The following TRAF7 variants were observed in gnomAD, a reference collection of about 807,000 sequenced individuals.
The protein encoded by TRAF7 is E3 ubiquitin-protein ligase TRAF7.
Under a neutral mutation model 89.3 loss-of-function variants are expected in TRAF7, and 45 were observed. That is an observed-to-expected ratio of 0.50 (90% CI 0.40 to 0.65). The LOEUF is 0.65. TRAF7 is among the 30% of genes least tolerant of loss of function. TRAF7 has a pLI of 0.00. For synonymous variants in TRAF7, 406 were observed against 369.2 expected (o/e 1.10, Z -1.14); for missense variants, 677 against 918.1 (o/e 0.74, Z 3.39).
chr16:2,161,632 C>T lies in TRAF7; in HGVS notation c.-38-2251C>T, dbSNP rs1185838063. 1.3e-5 allele frequency among the ~76,000 whole-genome samples: 2 copies of T among 152,148 alleles called. No homozygotes were observed. The highest frequency in any genetic ancestry group is 1.9e-4 in the East Asian group (1 of 5,168). On this transcript the variant is annotated intron_variant, in intron 1 of 20. Transcript: ENST00000326181. This position sits in a 1 kb window ranked among gnomAD's most constrained non-coding sequence, Gnocchi z 5.2. ...AGGTCAGTGTCTCCTAGTGGCTGCC[C>T]GGTGATCCCCTCCCTGCTCCCAGAG...
At chr16:2,173,859 T>TGGGGGCCCCCC in intron 12 of TRAF7, 23 bp downstream of exon 12, 4 of 1,246,226 alleles carry the variant, frequency 3.2e-6, no homozygotes, top group Non-Finnish European at 3.3e-6. Context: ...CCGCCGTGGC[T>TGGGGGCCCCCC]CCCGCCCACC....
In TRAF7 at chr16:2,162,766, C is replaced by G. The variant is rs2093062864; in HGVS notation, c.-38-1117C>G. Among the ~76,000 whole-genome samples the G allele has an allele frequency of 6.6e-6, 1 of 152,106 alleles. No homozygotes were observed. The highest frequency in any genetic ancestry group is 1.9e-4 in the East Asian group (1 of 5,186). ...TCGAGGTGGACAGTGCAGGTGGGCC[C>G]GGGGCAGGAGTCCTGGGCACGTGGC... On this transcript the variant is annotated intron_variant, in intron 1 of 20. Coordinates refer to ENST00000326181, the MANE Select transcript of TRAF7 (RefSeq NM_032271.3). The surrounding 1 kb of genome is among the most constrained non-coding windows in gnomAD (Gnocchi z 5.0).
rs1432810362 is a variant in TRAF7, at chr16:2,161,836, G to A, written c.-38-2047G>A. 3.9e-5 allele frequency among the ~76,000 whole-genome samples: 6 copies of A among 152,200 alleles called. No individual in the cohort carries two copies. The highest frequency in any genetic ancestry group is 9.6e-5 in the African/African-American group (4 of 41,456). On this transcript the variant is annotated intron_variant, in intron 1 of 20. Transcript: ENST00000326181. This position sits in a 1 kb window ranked among gnomAD's most constrained non-coding sequence, Gnocchi z 5.2. ...CTTCCTGCCGGGAGCTGCTGGAGAC[G>A]GGATAGACATGTGCCAGGGCAGAGC...
intron 4 of TRAF7, 53 bp from the exon 5 acceptor site, chr16:2,170,561 G>A (rs1342121045): frequency 1.0e-5 from 15 of 1,434,970 alleles, no homozygotes; most frequent in Non-Finnish European, 1.4e-5. Context: ...TGTCCTCCCC[G>A]AGGCTCTGAC....
At position 2,175,829 on chromosome 16, in the gene TRAF7, C is replaced by T. The variant is rs1338498216; in HGVS notation, c.1627-5C>T. 7.4e-6 allele frequency: 12 copies of T among 1,612,940 alleles called. No homozygotes were observed. Among genetic ancestry groups the T allele is most frequent in the Middle Eastern group, 1.6e-4 (1 of 6,080 alleles). On this transcript the variant is annotated splice_polypyrimidine_tract_variant and splice_region_variant and intron_variant, in intron 17 of 20. Transcript: ENST00000326181. ...TGGGACCAACTGGCCCACGATTACT[C>T]ATAGATCTGGGACATCCGAACCCTT...
At position 2,163,847 on chromosome 16, in the gene TRAF7, C is replaced by T; in HGVS notation, c.-38-36C>T. 7.4e-7 allele frequency: 1 copy of T among 1,357,356 alleles called. No homozygotes were observed. The highest frequency in any genetic ancestry group is 1.2e-5 in the South Asian group (1 of 82,278). The allele number at this position is 1,357,356 out of a possible 1,614,324, so 84.1% of individuals were successfully genotyped here. ...GTCTGACTCACAGGGGCCTGGGCTCCATCTCTCAAGCCCCTCATTTGTGCT... is the reference window on the plus strand; with the variant it reads ...GTCTGACTCACAGGGGCCTGGGCTCTATCTCTCAAGCCCCTCATTTGTGCT... On this transcript the variant is annotated intron_variant, in intron 1 of 20. Coordinates refer to ENST00000326181, the MANE Select transcript of TRAF7 (RefSeq NM_032271.3). The surrounding 1 kb of genome is among the most constrained non-coding windows in gnomAD (Gnocchi z 4.3).
chr16:2,172,622 TG>T, intron 9 of TRAF7, 23 bp downstream of exon 9: 4 of 752,218 alleles, frequency 5.3e-6, no homozygotes, highest in Non-Finnish European at 8.1e-6. Context: ...CGGGCGGGGG[TG>T]GGCCGGGGTG....
intron 9 of TRAF7, among the ~76,000 whole-genome samples, chr16:2,172,963 C>A (rs1324208045): frequency 1.3e-5 from 2 of 152,138 alleles, no homozygotes; most frequent in East Asian, 1.9e-4. Flanking sequence ...GAAGGGAGGA[C>A]CCCTTGAAGA....
At chr16:2,165,807 G>A (rs1366659519) in intron 2 of TRAF7, 72 bp from the exon 3 acceptor site, 1 of 1,587,580 alleles carries the variant, frequency 6.3e-7, no homozygotes, top group Non-Finnish European at 8.6e-7. Context: ...TTAGGCATGT[G>A]AGTGGGCTCC....
chr16:2,170,462 C>T, intron 4 of TRAF7, 152 bp from the exon 5 acceptor site: 1 of 626,868 alleles, frequency 1.6e-6, no homozygotes, highest in Non-Finnish European at 2.8e-6. Flanking sequence ...CACGCCCACC[C>T]ACGGCCCCCG....
intron 2 of TRAF7, among the ~76,000 whole-genome samples, 180 bp from the exon 3 acceptor site, chr16:2,165,699 G>A (rs577526669): frequency 1.6e-4 from 23 of 141,456 alleles, no homozygotes; most frequent in South Asian, 2.3e-4. Context: ...GCTGCGTGGC[G>A]CGGCCTGGTC....
In TRAF7 at chr16:2,163,925, G is replaced by C; in HGVS notation, c.5G>C (p.Ser2Thr). 1.2e-6 allele frequency: 2 copies of C among 1,612,472 alleles called. No homozygotes were observed. Among genetic ancestry groups the C allele is most frequent in the Non-Finnish European group, 1.7e-6 (2 of 1,179,682 alleles). ...CCGTAGATGCCTCTCTAGAGCATGA[G>C]CTCAGGCAAGAGTGCCCGCTACAAC... M[S>T]SGKSARYNRF... The change falls in exon 2 of 21, where the codon AGC (serine) becomes ACC (threonine). Residue 2 changes from serine to threonine, a missense_variant. This residue lies in a region of TRAF7 where 240 missense variants were observed against 191.9 expected (regional missense o/e 1.25). Transcript: ENST00000326181. The surrounding 1 kb of genome is among the most constrained non-coding windows in gnomAD (Gnocchi z 4.3).
chr16:2,173,859 T>TTCCCCCCCCCCCCCCCCCCCCCCCC, intron 12 of TRAF7, 23 bp downstream of exon 12: 1 of 1,246,254 alleles, frequency 8.0e-7, no homozygotes. Context: ...CCGCCGTGGC[T>TTCCCCCCCCCCCCCCCCCCCCCCCC]CCCGCCCACC....
rs2093146367 is a variant in TRAF7 at position 2,177,802 on chromosome 16, C to T, written c.*1228C>T. 1 of 246,492 alleles carries T rather than the reference C, an allele frequency of 4.1e-6. No individual in the cohort carries two copies. The highest frequency in any genetic ancestry group is 5.5e-5 in the Admixed American group (1 of 18,094). The allele number at this position is 246,492 out of a possible 1,614,324, so 15.3% of individuals were successfully genotyped here. A position where few individuals can be genotyped will look rare whatever the true frequency, so the allele number is the denominator to read the frequency against. ...ACGGCCGCCGAGAGCAAGGCACAAC[C>T]TCGAGTTCTTGGGGCGCAGAGAACT... On this transcript the variant is annotated 3_prime_UTR_variant, in exon 21 of 21. Coordinates refer to ENST00000326181, the MANE Select transcript of TRAF7 (RefSeq NM_032271.3).
chr16:2,166,011 A>AG, intron 3 of TRAF7, 75 bp downstream of exon 3: 1 of 1,572,536 alleles, frequency 6.4e-7, no homozygotes, highest in Non-Finnish European at 8.7e-7. Context: ...CTAAGGACTG[A>AG]GGGACACTTC....
rs541830161 is a variant in TRAF7, at chr16:2,176,019, C to G, written c.1747-30C>G. On this transcript the variant is annotated intron_variant, in intron 18 of 20. Transcript: ENST00000326181. ...CCGTCTCCCCCGCCTTGCTCAGTGT[C>G]TTTGACCTGCCTGTGCCCACCCCTC... The G allele has an allele frequency of 7.5e-6, 12 of 1,609,058 alleles. No homozygotes were observed. In the South Asian group the frequency reaches 7.7e-5, roughly 10 times the overall value.
chr16:2,155,967 C>T (rs1596663011), intron 1 of TRAF7, 109 bp downstream of exon 1: 1 of 49,076 alleles, frequency 2.0e-5, no homozygotes, highest in African/African-American at 8.2e-5. Flanking sequence ...GGCGAGGGGT[C>T]GGGCCGGGGC....
intron 17 of TRAF7, 79 bp downstream of exon 17, chr16:2,175,701 T>C (rs1286368745): frequency 5.7e-6 from 9 of 1,589,266 alleles, no homozygotes; most frequent in Non-Finnish European, 7.7e-6. Context: ...GGGCTCCATC[T>C]GCCCTGTTCC....
chr16:2,161,764 C>T lies in TRAF7; in HGVS notation c.-38-2119C>T, dbSNP rs2093059214. On this transcript the variant is annotated intron_variant, in intron 1 of 20. Transcript: ENST00000326181. This position sits in a 1 kb window ranked among gnomAD's most constrained non-coding sequence, Gnocchi z 5.2. ...CCTTACCCCAGCTGGGACATCCTCACCCCAAGCACAATGGCAAAAGGCAAG... is the reference window on the plus strand; with the variant it reads ...CCTTACCCCAGCTGGGACATCCTCATCCCAAGCACAATGGCAAAAGGCAAG... Among the ~76,000 whole-genome samples, 1 of 152,214 alleles carries T rather than the reference C, an allele frequency of 6.6e-6. No individual in the cohort carries two copies. Among genetic ancestry groups the T allele is most frequent in the Non-Finnish European group, 1.5e-5 (1 of 68,032 alleles).
Sources: gnomAD v4.1 joint callset for allele counts (sites outside exome capture counted in the v4.1 genomes callset) on GRCh38, gnomAD v4.1.1 for gene constraint, gnomAD v4.1.1 regional missense constraint, Gnocchi (gnomAD v3.1) non-coding constraint, MANE v1.5 for transcripts, NCBI Gene and HGNC (gene_info 2026-07-23, HGNC 2026-07-21) for gene names.